Variants in CTNNA3 observed in about 807,000 individuals in gnomAD.
CTNNA3 encodes catenin alpha 3.
Under a neutral mutation model 95.7 loss-of-function variants are expected in CTNNA3, and 76 were observed. The ratio of observed to expected loss-of-function variants is 0.79; its 90% confidence interval spans 0.66 to 0.96. The LOEUF (loss-of-function observed/expected upper bound fraction) is 0.96, where lower values mean the gene tolerates loss of function less well. Ranked by LOEUF, CTNNA3 falls within the 40% of genes least tolerant of loss-of-function variation. The pLI is 0.00. For missense variants in CTNNA3, 1,191 were observed against 1,089.8 expected (o/e 1.09, Z -1.31); for synonymous variants, 431 against 374.4 (o/e 1.15, Z -1.74).
At chr10:67,655,239 A>G (rs190168197) in intron 1 of CTNNA3, among the ~76,000 whole-genome samples, 2 of 152,342 alleles carry the variant, frequency 1.3e-5, no homozygotes, top group Admixed American at 1.3e-4. Flanking sequence ...CATGTCAACA[A>G]GTCTTCCACC....
intron 7 of CTNNA3, among the ~76,000 whole-genome samples, chr10:67,036,226 C>A (rs914407044): frequency 8.6e-5 from 13 of 151,646 alleles, no homozygotes; most frequent in Non-Finnish European, 1.8e-4. Context: ...GACCATGGCT[C>A]ACTGCAACCT....
At chr10:67,204,542 G>T (rs4462228) in intron 6 of CTNNA3, among the ~76,000 whole-genome samples, 52,986 of 152,062 alleles carry the variant, frequency 0.35, 14,274 homozygotes, top group African/African-American at 0.76. Flanking sequence ...TTTCCCAGTC[G>T]CAGGTATTCA....
intron 7 of CTNNA3, among the ~76,000 whole-genome samples, chr10:67,069,608 T>G (rs567500520): frequency 1.8e-5 from 2 of 110,094 alleles, no homozygotes; most frequent in East Asian, 6.3e-4. Context: ...GAGTAAACAC[T>G]ATCCTGACCT....
At chr10:66,632,096 A>G (rs918101093) in intron 9 of CTNNA3, among the ~76,000 whole-genome samples, 3 of 152,254 alleles carry the variant, frequency 2.0e-5, no homozygotes, top group Non-Finnish European at 4.4e-5. Flanking sequence ...TGGAATGAAT[A>G]GTGAGAAATA....
At chr10:66,137,397 A>AG (rs564163590) in intron 13 of CTNNA3, among the ~76,000 whole-genome samples, 3 of 152,174 alleles carry the variant, frequency 2.0e-5, no homozygotes, top group Non-Finnish European at 4.4e-5. Flanking sequence ...ATGTAAAAAA[A>AG]CAAAGTAGGA....
chr10:67,042,840 T>A (rs1352360757), intron 7 of CTNNA3, among the ~76,000 whole-genome samples: 1 of 152,114 alleles, frequency 6.6e-6, no homozygotes, highest in Non-Finnish European at 1.5e-5. Flanking sequence ...TTAGTTCCAA[T>A]GGAAATGTGA....
chr10:67,444,182 T>C (rs1462747692), intron 5 of CTNNA3, among the ~76,000 whole-genome samples: 3 of 152,082 alleles, frequency 2.0e-5, no homozygotes, highest in African/African-American at 7.2e-5. Flanking sequence ...GAAATTAAAA[T>C]AATATCAAGG....
intron 11 of CTNNA3, among the ~76,000 whole-genome samples, chr10:66,439,902 C>A (rs187082362): frequency 6.8e-4 from 104 of 152,196 alleles, no homozygotes; most frequent in Non-Finnish European, 1.4e-3. Flanking sequence ...ATCTGTATTA[C>A]AACTGAAATA....
chr10:67,183,536 T>C lies in CTNNA3; in HGVS notation c.844-3016A>G, dbSNP rs190719927. The stretch of plus-strand genomic sequence containing the variant: ...GGGGAACATCACACACTGGGGCCTG[T>C]TGTGGGGTGGGAGGAGGGGGGAGGG... On this transcript the variant is annotated intron_variant, in intron 6 of 17. Coordinates refer to ENST00000433211, the MANE Select transcript of CTNNA3 (RefSeq NM_013266.4). Among the ~76,000 whole-genome samples, 195 of 151,604 alleles carry C rather than the reference T, an allele frequency of 1.3e-3. 2 individuals are homozygous for C. The highest frequency in any genetic ancestry group is 4.6e-3 in the African/African-American group (191 of 41,386).
At chr10:66,409,304 T>C (rs2093082157) in intron 11 of CTNNA3, among the ~76,000 whole-genome samples, 1 of 152,162 alleles carries the variant, frequency 6.6e-6, no homozygotes, top group Non-Finnish European at 1.5e-5. Flanking sequence ...CTAACTTTGC[T>C]TCATGTTTTT....
At chr10:66,305,983 C>T (rs914165244) in intron 12 of CTNNA3, among the ~76,000 whole-genome samples, 3 of 152,276 alleles carry the variant, frequency 2.0e-5, no homozygotes, top group Admixed American at 1.3e-4. Flanking sequence ...CTTTTCCTAT[C>T]CTGACCCAAC....
rs60117813 is a variant in CTNNA3 at position 67,287,339 on chromosome 10, T to A, written c.580-67469A>T. On this transcript the variant is annotated intron_variant, in intron 5 of 17. Coordinates refer to ENST00000433211, the MANE Select transcript of CTNNA3 (RefSeq NM_013266.4). The stretch of plus-strand genomic sequence containing the variant: ...GGCAACAGAGTGAGACTCCATCTTG[T>A]AAAAAAAAAGAAAAGAAAAAACATT... Among the ~76,000 whole-genome samples, 2,821 of 150,702 alleles carry A rather than the reference T, an allele frequency of 0.019. 233 individuals are homozygous for A. The East Asian group carries it at 0.26, about 14-fold the overall frequency.
intron 5 of CTNNA3, among the ~76,000 whole-genome samples, chr10:67,234,386 C>T (rs145930094): frequency 0.01 from 1,548 of 152,242 alleles, 16 homozygotes; most frequent in African/African-American, 0.024. Flanking sequence ...TGTAATCCAG[C>T]ATTTAAACAG....
chr10:67,597,710 G>T (rs1182126448), intron 3 of CTNNA3, among the ~76,000 whole-genome samples: 3 of 152,200 alleles, frequency 2.0e-5, no homozygotes, highest in Non-Finnish European at 2.9e-5. Context: ...TGTCAGTGGG[G>T]TTCATGCTCA....
At chr10:66,440,787 T>C (rs2093369619) in intron 11 of CTNNA3, among the ~76,000 whole-genome samples, 3 of 152,178 alleles carry the variant, frequency 2.0e-5, no homozygotes, top group Admixed American at 2.0e-4. Context: ...AGTTTCTTGT[T>C]TATCAGTTGA....
intron 13 of CTNNA3, among the ~76,000 whole-genome samples, chr10:66,179,322 GA>G (rs1202352806): frequency 1.3e-5 from 2 of 152,020 alleles, no homozygotes; most frequent in East Asian, 3.9e-4. Flanking sequence ...TATACTGTAT[GA>G]AAAATTGTAG....
intron 7 of CTNNA3, among the ~76,000 whole-genome samples, chr10:67,132,387 T>C (rs1860059858): frequency 6.6e-6 from 1 of 152,054 alleles, no homozygotes; most frequent in African/African-American, 2.4e-5. Flanking sequence ...AAGTGGTCTT[T>C]GCTGGACAAC....
chr10:66,663,108 T>G (rs1003020730), intron 9 of CTNNA3, among the ~76,000 whole-genome samples: 1 of 152,096 alleles, frequency 6.6e-6, no homozygotes, highest in Non-Finnish European at 1.5e-5. Context: ...CTAGAGCTAT[T>G]ATAATAAAGT....
intron 7 of CTNNA3, among the ~76,000 whole-genome samples, chr10:66,867,214 T>G (rs765411327): frequency 8.5e-5 from 13 of 152,190 alleles, no homozygotes; most frequent in Non-Finnish European, 1.6e-4. Flanking sequence ...TTCATTATCT[T>G]CAGCATGCAA....
Sources: gnomAD v4.1 joint callset for allele counts (sites outside exome capture counted in the v4.1 genomes callset) on GRCh38, gnomAD v4.1.1 for gene constraint, MANE v1.5 for transcripts, NCBI Gene and HGNC (gene_info 2026-07-23, HGNC 2026-07-21) for gene names.